The following INPP4B variants were observed in gnomAD, a reference collection of about 807,000 sequenced individuals.
The protein encoded by INPP4B is inositol polyphosphate-4-phosphatase type II B, also known as inositol polyphosphate 4-phosphatase type II.
Under a neutral mutation model 122.5 loss-of-function variants are expected in INPP4B, and 55 were observed. The observed-to-expected ratio is 0.45, with a 90% CI of 0.36 to 0.56. The LOEUF is 0.56. Ranked by LOEUF, INPP4B falls within the 20% of genes least tolerant of loss-of-function variation. The probability of loss-of-function intolerance (pLI) is 0.00; values close to 1 mark genes in which losing one functional copy is unlikely to be tolerated. For missense variants in INPP4B, 1,000 were observed against 1,097.7 expected, an observed-to-expected ratio of 0.91 and a Z score of 1.26; for synonymous variants, 403 against 388.7, an observed-to-expected ratio of 1.04 and a Z score of -0.43.
chr4:142,674,318 G>T (rs1356982762), intron 2 of INPP4B, among the ~76,000 whole-genome samples: 2 of 152,060 alleles, frequency 1.3e-5, no homozygotes, highest in Non-Finnish European at 2.9e-5. Context: ...GTACCTGCAT[G>T]CATCCCATCT....
chr4:142,520,337 G>A (rs1467379228), intron 2 of INPP4B, among the ~76,000 whole-genome samples: 3 of 151,848 alleles, frequency 2.0e-5, no homozygotes, highest in South Asian at 2.1e-4. Context: ...ATTCATCATA[G>A]GTACTAGATC....
In INPP4B at chr4:142,621,046, G is replaced by C. The variant is rs181569109; in HGVS notation, c.-191+104793C>G. ...TTTTTTTTTAAATCTAGTGTATCTG[G>C]ATTTTCATACTATAATGTCTTAGTT... On this transcript the variant is annotated intron_variant, in intron 2 of 25. Coordinates refer to ENST00000262992, the MANE Select transcript of INPP4B (RefSeq NM_001101669.3). Among the ~76,000 whole-genome samples, 7 of 151,704 alleles carry C rather than the reference G, an allele frequency of 4.6e-5. 1 individual carries two copies. Among genetic ancestry groups the C allele is most frequent in the Admixed American group, 4.6e-4 (7 of 15,192 alleles).
chr4:142,811,158 G>A (rs1406973328), intron 1 of INPP4B, among the ~76,000 whole-genome samples: 2 of 152,160 alleles, frequency 1.3e-5, no homozygotes, highest in African/African-American at 4.8e-5. Context: ...TGCAGTGCTG[G>A]TGCAGATGTC....
chr4:142,442,076 A>C (rs2149446505), intron 3 of INPP4B, among the ~76,000 whole-genome samples: 1 of 152,148 alleles, frequency 6.6e-6, no homozygotes, highest in Middle Eastern at 3.4e-3. Context: ...CTCAATGTAG[A>C]AAAAGATTTT....
chr4:142,639,498 G>A lies in INPP4B; in HGVS notation c.-191+86341C>T, dbSNP rs191289768. Among the ~76,000 whole-genome samples, 29 of 152,048 alleles carry A rather than the reference G, an allele frequency of 1.9e-4. 1 individual carries two copies. In the East Asian group the frequency reaches 4.6e-3, roughly 24 times the overall value. ...TGTAGTAATTGGTCCTTTTCATCTA[G>A]GTTATCACATTTTTTGGCATAGAGT... On this transcript the variant is annotated intron_variant, in intron 2 of 25. Coordinates refer to ENST00000262992, the MANE Select transcript of INPP4B (RefSeq NM_001101669.3).
intron 7 of INPP4B, among the ~76,000 whole-genome samples, chr4:142,373,221 G>A (rs1790560046): frequency 6.6e-6 from 1 of 151,934 alleles, no homozygotes. Context: ...ATAGATTGGT[G>A]CCCTTTCATA....
At chr4:142,122,011 G>T in intron 21 of INPP4B, 117 bp downstream of exon 21, 3 of 688,388 alleles carry the variant, frequency 4.4e-6, no homozygotes, top group South Asian at 3.9e-5. Flanking sequence ...AAAAGGAAAA[G>T]AAAAAAAACA....
chr4:142,645,385 T>C (rs1751520674), intron 2 of INPP4B, among the ~76,000 whole-genome samples: 1 of 152,200 alleles, frequency 6.6e-6, no homozygotes, highest in South Asian at 2.1e-4. Context: ...ATTAATTTGT[T>C]TCCAAATATC....
intron 25 of INPP4B, among the ~76,000 whole-genome samples, chr4:142,041,964 C>T (rs1269892005): frequency 6.6e-6 from 1 of 152,140 alleles, no homozygotes; most frequent in Non-Finnish European, 1.5e-5. Context: ...CCCTTTCTTT[C>T]TATCACAGGA....
intron 5 of INPP4B, among the ~76,000 whole-genome samples, chr4:142,415,479 C>T (rs900185249): frequency 3.3e-5 from 5 of 152,068 alleles, no homozygotes; most frequent in Non-Finnish European, 5.9e-5. Flanking sequence ...GTTAGAATGG[C>T]GATCATTAAA....
rs1770960550 is a variant in INPP4B at position 142,076,747 on chromosome 4, T to C, written c.2642+5284A>G. ...CCTAAAACTTAAAGTATGATAATAA[T>C]AAAATTTAAAAAAATAGCTGCAAGC... On this transcript the variant is annotated intron_variant, in intron 25 of 25. Transcript: ENST00000262992. Among the ~76,000 whole-genome samples the C allele has an allele frequency of 2.0e-5, 3 of 152,072 alleles. No individual in the cohort carries two copies. The South Asian group carries it at 6.2e-4, about 32-fold the overall frequency.
At chr4:142,050,636 C>A (rs1754028553) in intron 25 of INPP4B, among the ~76,000 whole-genome samples, 1 of 152,070 alleles carries the variant, frequency 6.6e-6, no homozygotes, top group South Asian at 2.1e-4. Flanking sequence ...TCTCTTCCTA[C>A]CTGTGCTATT....
chr4:142,839,273 C>A (rs772474397), intron 1 of INPP4B, among the ~76,000 whole-genome samples: 6 of 152,128 alleles, frequency 3.9e-5, no homozygotes, highest in Admixed American at 6.6e-5. Flanking sequence ...GCCTGGCCAA[C>A]ATAGTAAAAC....
At chr4:142,263,360 T>A (rs1741029127) in intron 10 of INPP4B, among the ~76,000 whole-genome samples, 1 of 152,068 alleles carries the variant, frequency 6.6e-6, no homozygotes, top group Non-Finnish European at 1.5e-5. Context: ...AGTTTCTTTA[T>A]TTTTCTTCCA....
intron 1 of INPP4B, among the ~76,000 whole-genome samples, chr4:142,828,116 A>T (rs529534162): frequency 6.6e-6 from 1 of 152,192 alleles, no homozygotes; most frequent in Admixed American, 6.5e-5. Flanking sequence ...CATAACATAT[A>T]CAATGCTGAG....
rs543979338 is a variant in INPP4B, at chr4:142,478,112, T to C, written c.-190-15386A>G. The stretch of plus-strand genomic sequence containing the variant: ...ACTGCACCTGGCCAATTCTACTGAT[T>C]TGTGTGCACTGATTTTGTATTCTAA... On this transcript the variant is annotated intron_variant, in intron 2 of 25. Transcript: ENST00000262992. Among the ~76,000 whole-genome samples, 15 of 152,314 alleles carry C rather than the reference T, an allele frequency of 9.8e-5. No homozygotes were observed. In the East Asian group the frequency reaches 2.7e-3, roughly 27 times the overall value.
At chr4:142,732,796 T>A (rs1766300355) in intron 1 of INPP4B, among the ~76,000 whole-genome samples, 1 of 152,006 alleles carries the variant, frequency 6.6e-6, no homozygotes, top group African/African-American at 2.4e-5. Flanking sequence ...ACAACCAAAA[T>A]CCCAGTAGTC....
chr4:142,443,322 T>G (rs1812222452), intron 3 of INPP4B, among the ~76,000 whole-genome samples: 1 of 152,024 alleles, frequency 6.6e-6, no homozygotes, highest in Non-Finnish European at 1.5e-5. Context: ...AGTGTCCCTT[T>G]GAGGTACATG....
chr4:142,277,186 T>G (rs1003479195), intron 9 of INPP4B, among the ~76,000 whole-genome samples: 5 of 151,896 alleles, frequency 3.3e-5, no homozygotes, highest in African/African-American at 1.2e-4. Context: ...TGTTCTTTTT[T>G]TTTTTTCTTG....
Sources: allele counts gnomAD v4.1 joint callset (sites outside exome capture counted in the v4.1 genomes callset), GRCh38; gene constraint gnomAD v4.1.1; transcripts MANE v1.5; gene names NCBI Gene and HGNC (gene_info 2026-07-23, HGNC 2026-07-21).